GALNT17: variants seen among roughly 807,000 people sequenced by gnomAD.
The protein encoded by GALNT17 is UDP-GalNAc:polypeptide N-acetylgalactosaminyltransferase-like 3.
GALNT17 carries 29 observed loss-of-function variants against 63.7 expected under a neutral mutation model. That is an observed-to-expected ratio of 0.46 (90% CI 0.34 to 0.62). The LOEUF is 0.62. GALNT17 is among the 20% of genes least tolerant of loss of function. The probability of loss-of-function intolerance (pLI) is 0.01; values close to 1 mark genes in which losing one functional copy is unlikely to be tolerated. For missense variants in GALNT17, 603 were observed against 799.6 expected (o/e 0.75, Z 2.97); for synonymous variants, 305 against 318.3 (o/e 0.96, Z 0.45).
At chr7:71,137,747 G>A (rs1787815093) in intron 1 of GALNT17, among the ~76,000 whole-genome samples, 1 of 152,204 alleles carries the variant, frequency 6.6e-6, no homozygotes, top group Admixed American at 6.5e-5. Flanking sequence ...GAGGCCCTCG[G>A]AAGTGAGCCA....
intron 1 of GALNT17, among the ~76,000 whole-genome samples, chr7:71,280,256 A>G (rs1790756728): frequency 6.6e-6 from 1 of 152,066 alleles, no homozygotes; most frequent in Non-Finnish European, 1.5e-5. Context: ...CCTTTGGTGT[A>G]TGTTCTGTCC....
At chr7:71,673,350 G>T (rs1367220995) in intron 8 of GALNT17, among the ~76,000 whole-genome samples, 1 of 152,044 alleles carries the variant, frequency 6.6e-6, no homozygotes, top group Non-Finnish European at 1.5e-5. Context: ...GTTATAAATG[G>T]TGCGTACAAA....
rs12699052 is a variant in GALNT17 at position 71,554,848 on chromosome 7, G to C, written c.963-16437G>C. On this transcript the variant is annotated intron_variant, in intron 5 of 10. Transcript: ENST00000333538. ...GTCTCCAGACTTATTCCCCAGCCCA[G>C]GGAGAATTAGCTTCTGTGTGTGTCT... Among the ~76,000 whole-genome samples the C allele has an allele frequency of 3.3e-5, 5 of 152,196 alleles. No individual in the cohort carries two copies. The East Asian group carries it at 9.7e-4, about 29-fold the overall frequency.
chr7:71,496,733 G>A (rs1234697506), intron 5 of GALNT17, among the ~76,000 whole-genome samples: 1 of 151,202 alleles, frequency 6.6e-6, no homozygotes, highest in African/African-American at 2.4e-5. Flanking sequence ...GTTCTCAATT[G>A]AACCGGCCTA....
At chr7:71,486,334 A>AAATAATAAT (rs68046826) in intron 5 of GALNT17, among the ~76,000 whole-genome samples, 4 of 133,354 alleles carry the variant, frequency 3.0e-5, no homozygotes, top group East Asian at 2.2e-4. Context: ...GCCTGTCTGA[A>AAATAATAAT]AATAATAATA....
chr7:71,438,869 G>A (rs931729189), intron 5 of GALNT17, among the ~76,000 whole-genome samples: 2 of 151,328 alleles, frequency 1.3e-5, no homozygotes, highest in African/African-American at 4.9e-5. Flanking sequence ...GACTCTGGTC[G>A]CTAATAAAAG....
intron 6 of GALNT17, among the ~76,000 whole-genome samples, chr7:71,598,930 C>T (rs1239763888): frequency 1.5e-4 from 23 of 151,962 alleles, no homozygotes; most frequent in Non-Finnish European, 4.4e-5. Flanking sequence ...TAGGGAATTG[C>T]ATGGAAGCAT....
intron 9 of GALNT17, among the ~76,000 whole-genome samples, chr7:71,691,926 T>G (rs1304102122): frequency 6.6e-6 from 1 of 152,098 alleles, no homozygotes; most frequent in African/African-American, 2.4e-5. Flanking sequence ...CTTTTTTTCT[T>G]TTTTTGAAAG....
At chr7:71,533,450 C>G (rs1788752493) in intron 5 of GALNT17, among the ~76,000 whole-genome samples, 1 of 152,306 alleles carries the variant, frequency 6.6e-6, no homozygotes, top group South Asian at 2.1e-4. Flanking sequence ...TCCACAGACT[C>G]TCATCCTCAG....
At chr7:71,346,764 T>A (rs10272009) in intron 2 of GALNT17, among the ~76,000 whole-genome samples, 77,995 of 105,248 alleles carry the variant, frequency 0.74, 25,663 homozygotes, top group East Asian at 0.96. Flanking sequence ...CGGGGGTGGG[T>A]GGGTGGGTGG....
At chr7:71,433,236 CAGCAG>C (rs1000471448) in intron 5 of GALNT17, among the ~76,000 whole-genome samples, 10 of 152,172 alleles carry the variant, frequency 6.6e-5, no homozygotes, top group African/African-American at 1.7e-4. Context: ...AAAAACCAAA[CAGCAG>C]AGCCCAGACT....
At chr7:71,561,921 T>A (rs149109193) in intron 5 of GALNT17, among the ~76,000 whole-genome samples, 1 of 152,010 alleles carries the variant, frequency 6.6e-6, no homozygotes, top group Non-Finnish European at 1.5e-5. Flanking sequence ...ACTCCCCTGA[T>A]TTACAGGCTA....
chr7:71,151,016 A>G (rs1211263014), intron 1 of GALNT17, among the ~76,000 whole-genome samples: 1 of 150,088 alleles, frequency 6.7e-6, no homozygotes, highest in Non-Finnish European at 1.5e-5. Context: ...CTGGTCCCTG[A>G]GTGACTAAGT....
chr7:71,335,101 C>A (rs185866306), intron 1 of GALNT17, among the ~76,000 whole-genome samples: 1 of 152,172 alleles, frequency 6.6e-6, no homozygotes, highest in East Asian at 1.9e-4. Flanking sequence ...TCATCCCAGT[C>A]CCCAAAAGGA....
intron 5 of GALNT17, among the ~76,000 whole-genome samples, chr7:71,429,115 A>G (rs111613328): frequency 4.0e-4 from 61 of 152,294 alleles, no homozygotes; most frequent in African/African-American, 1.4e-3. Flanking sequence ...TTAATACAGC[A>G]TCTATTGTCA....
At chr7:71,324,573 G>A (rs1429229611) in intron 1 of GALNT17, among the ~76,000 whole-genome samples, 3 of 152,134 alleles carry the variant, frequency 2.0e-5, no homozygotes, top group African/African-American at 4.8e-5. Context: ...CAGGAGAATC[G>A]TTTGAACCCA....
intron 8 of GALNT17, among the ~76,000 whole-genome samples, chr7:71,676,043 A>T (rs1791145634): frequency 6.6e-6 from 1 of 152,180 alleles, no homozygotes; most frequent in Non-Finnish European, 1.5e-5. Flanking sequence ...CTTTGTTTCC[A>T]TGGAGAATAT....
chr7:71,628,839 C>A (rs535346167), intron 6 of GALNT17, among the ~76,000 whole-genome samples: 185 of 152,086 alleles, frequency 1.2e-3, no homozygotes, highest in African/African-American at 4.4e-3. Flanking sequence ...GGCTGAGGCA[C>A]GAGAATCGCT....
rs1469235772 is a variant in GALNT17, at chr7:71,133,005, C to T, written c.203C>T (p.Ser68Leu). ...PIQDAVLKRLSLLEDIVYRQL... is the reference protein window; with the variant it reads ...PIQDAVLKRLLLLEDIVYRQL... ...CAGGATGCGGTCCTGAAGCGCCTGT[C>T]GCTGCTGGAGGACATCGTGTACCGG... The change falls in exon 1 of 11, where the codon TCG becomes TTG. Residue 68 changes from serine to leucine, a missense_variant. Ser to Leu is a moderately radical substitution (Grantham distance 145, BLOSUM62 -2). This residue lies in a region of GALNT17 where 195 missense variants were observed against 215.0 expected (regional missense o/e 0.91). Transcript: ENST00000333538. 10 of 1,598,772 alleles carry T rather than the reference C, an allele frequency of 6.3e-6. No homozygotes were observed. Among genetic ancestry groups the T allele is most frequent in the African/African-American group, 2.7e-5 (2 of 74,318 alleles).
Sources: gnomAD v4.1 joint callset for allele counts (sites outside exome capture counted in the v4.1 genomes callset) on GRCh38, gnomAD v4.1.1 for gene constraint, gnomAD v4.1.1 regional missense constraint, MANE v1.5 for transcripts, NCBI Gene and HGNC (gene_info 2026-07-23, HGNC 2026-07-21) for gene names.